The following SGCD variants were observed in gnomAD, a reference collection of about 807,000 sequenced individuals.
SGCD encodes sarcoglycan delta.
SGCD carries 18 observed loss-of-function variants against 36.6 expected under a neutral mutation model. That is an observed-to-expected ratio of 0.49 (90% confidence interval 0.34 to 0.73). SGCD has a LOEUF of 0.73. Ranked by LOEUF, SGCD falls within the 30% of genes least tolerant of loss-of-function variation. The pLI, the probability that SGCD is intolerant of heterozygous loss-of-function variation, is 0.01. For synonymous variants in SGCD, 133 were observed against 130.6 expected (o/e 1.02, Z -0.12); for missense variants, 387 against 346.7 (o/e 1.12, Z -0.92).
At chr5:155,952,650 A>G (rs1203239207) in intron 1 of SGCD, among the ~76,000 whole-genome samples, 1 of 152,186 alleles carries the variant, frequency 6.6e-6, no homozygotes, top group Non-Finnish European at 1.5e-5. Context: ...GTAATGAAAT[A>G]TCATGTCGAG....
At chr5:155,888,848 C>T (rs1352043592) in intron 1 of SGCD, among the ~76,000 whole-genome samples, 1 of 152,078 alleles carries the variant, frequency 6.6e-6, no homozygotes, top group Non-Finnish European at 1.5e-5. Flanking sequence ...AGTTTCTGAA[C>T]TCATCCTTCC....
intron 3 of SGCD, among the ~76,000 whole-genome samples, chr5:156,198,874 A>G (rs1050988448): frequency 9.2e-5 from 14 of 151,440 alleles, no homozygotes; most frequent in African/African-American, 3.4e-4. Flanking sequence ...TTATTATTTG[A>G]TTTTAGAAAT....
At chr5:156,544,013 G>A (rs1295710504) in intron 4 of SGCD, among the ~76,000 whole-genome samples, 1 of 152,140 alleles carries the variant, frequency 6.6e-6, no homozygotes, top group African/African-American at 2.4e-5. Context: ...CAGTGAAGAG[G>A]CATTCTCTGA....
At chr5:155,962,110 G>T (rs1365598315) in intron 1 of SGCD, among the ~76,000 whole-genome samples, 1 of 152,018 alleles carries the variant, frequency 6.6e-6, no homozygotes, top group Non-Finnish European at 1.5e-5. Context: ...GCTTCAAGAG[G>T]TTGTATGATC....
At chr5:156,132,490 A>G (rs1238246289) in intron 3 of SGCD, among the ~76,000 whole-genome samples, 1 of 35,122 alleles carries the variant, frequency 2.8e-5, no homozygotes, top group Non-Finnish European at 4.8e-5. Context: ...TTTTTTTGAG[A>G]CGGAGTCTCA....
chr5:155,949,092 A>C (rs1757501964), intron 1 of SGCD, among the ~76,000 whole-genome samples: 1 of 152,264 alleles, frequency 6.6e-6, no homozygotes, highest in African/African-American at 2.4e-5. Context: ...TCTCTTCCTA[A>C]ATACTGATTG....
chr5:156,619,839 C>T (rs578085175), intron 6 of SGCD, among the ~76,000 whole-genome samples: 20 of 152,210 alleles, frequency 1.3e-4, no homozygotes, highest in Non-Finnish European at 1.9e-4. Context: ...TATTCTCTTA[C>T]GCTCCTTATG....
intron 4 of SGCD, among the ~76,000 whole-genome samples, chr5:156,575,990 A>C (rs1484190579): frequency 6.6e-6 from 1 of 152,178 alleles, no homozygotes. Flanking sequence ...TTTGTTACAT[A>C]GGTATACCTG....
intron 3 of SGCD, among the ~76,000 whole-genome samples, chr5:156,314,693 A>G (rs1260003603): frequency 1.2e-4 from 18 of 152,058 alleles, no homozygotes; most frequent in Non-Finnish European, 1.5e-5. Context: ...TATGAAAGGA[A>G]AATCATAAGA....
At position 156,202,182 on chromosome 5, in the gene SGCD, T is replaced by C. The variant is rs564054280; in HGVS notation, c.-44+78163T>C. The stretch of plus-strand genomic sequence containing the variant: ...GCCGTTAAAGTGATCTCTCCATTGA[T>C]TGTGGCCCCACTCACCACTTAACTC... On this transcript the variant is annotated intron_variant, in intron 3 of 9. Coordinates refer to the SGCD transcript ENST00000517913. Among the ~76,000 whole-genome samples the C allele has an allele frequency of 7.2e-5, 11 of 152,326 alleles. No homozygotes were observed. The South Asian group carries it at 2.3e-3, about 32-fold the overall frequency.
intron 3 of SGCD, among the ~76,000 whole-genome samples, chr5:156,357,951 C>T (rs1316223887): frequency 6.6e-6 from 1 of 152,160 alleles, no homozygotes; most frequent in Non-Finnish European, 1.5e-5. Context: ...CAGAATCAGG[C>T]AAGTCACTGA....
At chr5:156,170,228 G>A (rs1763311113) in intron 3 of SGCD, among the ~76,000 whole-genome samples, 1 of 152,106 alleles carries the variant, frequency 6.6e-6, no homozygotes, top group Non-Finnish European at 1.5e-5. Context: ...ATTGCTGAAG[G>A]AAAACTAAGT....
chr5:156,642,906 C>G (rs1051549102), intron 6 of SGCD, among the ~76,000 whole-genome samples: 1 of 152,098 alleles, frequency 6.6e-6, no homozygotes, highest in African/African-American at 2.4e-5. Flanking sequence ...GGAAACTTAT[C>G]TGCCAAACCA....
intron 4 of SGCD, among the ~76,000 whole-genome samples, 152 bp from the exon 5 acceptor site, chr5:156,589,079 T>C (rs1350458976): frequency 1.3e-5 from 2 of 151,862 alleles, no homozygotes; most frequent in East Asian, 1.9e-4. Context: ...ATCATGTACA[T>C]AGGGATCTTT....
At chr5:156,088,456 G>T (rs1029626849) in intron 1 of SGCD, among the ~76,000 whole-genome samples, 1 of 151,988 alleles carries the variant, frequency 6.6e-6, no homozygotes, top group Non-Finnish European at 1.5e-5. Flanking sequence ...GCATTTTCCT[G>T]TGTAGGTGAT....
chr5:155,959,102 A>G (rs1757732732), intron 1 of SGCD, among the ~76,000 whole-genome samples: 1 of 152,182 alleles, frequency 6.6e-6, no homozygotes, highest in African/African-American at 2.4e-5. Flanking sequence ...ACACAAGTTT[A>G]TTACAAACTA....
At chr5:156,334,810 CA>C (rs1768258908) in intron 2 of SGCD, among the ~76,000 whole-genome samples, 1 of 152,112 alleles carries the variant, frequency 6.6e-6, no homozygotes, top group South Asian at 2.1e-4. Flanking sequence ...TGAACAGCGT[CA>C]GGGGAGGAAC....
chr5:155,905,419 G>A (rs536613478), intron 1 of SGCD, among the ~76,000 whole-genome samples: 1 of 152,184 alleles, frequency 6.6e-6, no homozygotes, highest in African/African-American at 2.4e-5. Flanking sequence ...TAACTAAGGA[G>A]GCTTAGAAAG....
chr5:155,887,112 C>T (rs1330714124), intron 1 of SGCD, among the ~76,000 whole-genome samples: 4 of 152,058 alleles, frequency 2.6e-5, no homozygotes, highest in African/African-American at 7.2e-5. Context: ...ACATTGGGGG[C>T]GAAAATATCA....
Sources: allele counts gnomAD v4.1 joint callset (sites outside exome capture counted in the v4.1 genomes callset), GRCh38; gene constraint gnomAD v4.1.1; transcripts MANE v1.5; gene names NCBI Gene and HGNC (gene_info 2026-07-23, HGNC 2026-07-21).